The following PLPP4 variants were observed in gnomAD, a reference collection of about 807,000 sequenced individuals.
PLPP4 encodes the protein diacylglycerol pyrophosphate like 2.
Under a neutral mutation model 32.2 loss-of-function variants are expected in PLPP4, and 20 were observed. The ratio of observed to expected loss-of-function variants is 0.62; its 90% CI spans 0.44 to 0.90. The LOEUF (loss-of-function observed/expected upper bound fraction) is 0.90. Ranked by LOEUF, PLPP4 falls within the 40% of genes least tolerant of loss-of-function variation. PLPP4 has a pLI of 0.00. For synonymous variants in PLPP4, 127 were observed against 133.0 expected, an observed-to-expected ratio of 0.95 and a Z score of 0.31; for missense variants, 257 against 353.1, an observed-to-expected ratio of 0.73 and a Z score of 2.18.
chr10:120,519,581 T>C lies in PLPP4; in HGVS notation c.320+685T>C, dbSNP rs145086104. Among the ~76,000 whole-genome samples, 165 of 152,106 alleles carry C rather than the reference T, an allele frequency of 1.1e-3. 1 individual carries two copies. The highest frequency in any genetic ancestry group is 3.9e-3 in the African/African-American group (162 of 41,464). On this transcript the variant is annotated intron_variant, in intron 4 of 6. Coordinates refer to ENST00000398250, the MANE Select transcript of PLPP4 (RefSeq NM_001030059.3). ...TGTTGCTGCTGTGTTCCCTTAACTT[T>C]GTGTGCCCTGACCAGTGCTTACTCT...
At chr10:120,492,969 C>G (rs1844788070) in intron 1 of PLPP4, among the ~76,000 whole-genome samples, 1 of 152,138 alleles carries the variant, frequency 6.6e-6, no homozygotes, top group Non-Finnish European at 1.5e-5. Flanking sequence ...GGTTCCTAAA[C>G]CCCCCTAAAT....
At chr10:120,563,970 A>G (rs1848569683) in intron 5 of PLPP4, among the ~76,000 whole-genome samples, 2 of 151,336 alleles carry the variant, frequency 1.3e-5, no homozygotes, top group Admixed American at 6.6e-5. Flanking sequence ...TCTTTACTGT[A>G]TGTTTGTTTT....
chr10:120,489,295 C>T (rs1157585052), intron 1 of PLPP4, among the ~76,000 whole-genome samples: 4 of 152,158 alleles, frequency 2.6e-5, no homozygotes, highest in Non-Finnish European at 5.9e-5. Flanking sequence ...TGCTGTGGAC[C>T]AGTTCGTCTT....
chr10:120,546,241 A>G (rs970813955), intron 5 of PLPP4, among the ~76,000 whole-genome samples: 3 of 152,088 alleles, frequency 2.0e-5, no homozygotes, highest in Non-Finnish European at 4.4e-5. Flanking sequence ...CGTCTATCCT[A>G]TTAGTCCTGT....
chr10:120,502,144 G>C (rs909151678), intron 1 of PLPP4, among the ~76,000 whole-genome samples: 1 of 152,214 alleles, frequency 6.6e-6, no homozygotes, highest in Admixed American at 6.5e-5. Flanking sequence ...GTGAAGGGTT[G>C]ACTGGGTTCT....
intron 1 of PLPP4, among the ~76,000 whole-genome samples, chr10:120,494,819 A>G (rs1036220796): frequency 1.3e-5 from 2 of 152,162 alleles, no homozygotes; most frequent in Non-Finnish European, 2.9e-5. Flanking sequence ...CTTTCCAACA[A>G]ACATCAAACT....
chr10:120,529,478 T>A (rs1185379359), intron 5 of PLPP4, among the ~76,000 whole-genome samples: 7 of 152,164 alleles, frequency 4.6e-5, no homozygotes, highest in Non-Finnish European at 8.8e-5. Flanking sequence ...TTCAAAATAC[T>A]CTTTCTCAAA....
rs779697964 is a variant in PLPP4 at position 120,493,376 on chromosome 10, C to T, written c.57-10442C>T. Among the ~76,000 whole-genome samples the T allele has an allele frequency of 1.2e-4, 18 of 152,148 alleles. 1 individual carries two copies. Among genetic ancestry groups the T allele is most frequent in the South Asian group, 2.1e-4 (1 of 4,824 alleles). Reference sequence around the variant, plus strand: ...AGAATGCTCAGTGGGATGCCATGGCCGTCCTGTCTCCTTGTGTTGAGGGCA... The same window carrying T: ...AGAATGCTCAGTGGGATGCCATGGCTGTCCTGTCTCCTTGTGTTGAGGGCA... On this transcript the variant is annotated intron_variant, in intron 1 of 6. Coordinates refer to ENST00000398250, the MANE Select transcript of PLPP4 (RefSeq NM_001030059.3).
intron 1 of PLPP4, among the ~76,000 whole-genome samples, chr10:120,499,699 C>A (rs563762112): frequency 1.3e-5 from 2 of 152,232 alleles, no homozygotes; most frequent in South Asian, 4.2e-4. Context: ...TTTTCTGAAC[C>A]TGCTGTCTCT....
intron 6 of PLPP4, among the ~76,000 whole-genome samples, chr10:120,581,703 G>A (rs1256996763): frequency 1.3e-5 from 2 of 151,152 alleles, no homozygotes; most frequent in Admixed American, 6.6e-5. Flanking sequence ...AGATGTGGGC[G>A]TGGCTTGTTC....
chr10:120,589,449 G>T lies in PLPP4; in HGVS notation c.763G>T (p.Ala255Ser), dbSNP rs1849917397. ...ASLKKEERPT[A>S]DSAPSLPLEG... is the part of the protein sequence containing the mutation. ...ACTGAAGAAAGAGGAGAGGCCCACA[G>T]CTGACAGCGCACCCAGCTTGCCTCT... The change falls in exon 7 of 7, where the codon GCT becomes TCT. Residue 255 changes from alanine (A) to serine (S), a missense_variant. Coordinates refer to ENST00000398250, the MANE Select transcript of PLPP4 (RefSeq NM_001030059.3). The T allele has an allele frequency of 6.2e-7, 1 of 1,613,982 alleles. No homozygotes were observed. Among genetic ancestry groups the T allele is most frequent in the African/African-American group, 1.3e-5 (1 of 74,922 alleles).
At chr10:120,500,065 T>C (rs1845168794) in intron 1 of PLPP4, among the ~76,000 whole-genome samples, 1 of 152,192 alleles carries the variant, frequency 6.6e-6, no homozygotes. Flanking sequence ...GGAGCATGGC[T>C]GGAGAAGGGA....
chr10:120,559,370 G>A (rs189969340), intron 5 of PLPP4, among the ~76,000 whole-genome samples: 12 of 150,180 alleles, frequency 8.0e-5, no homozygotes, highest in Admixed American at 4.6e-4. Flanking sequence ...TTTTTCTTTC[G>A]TGGATTTATT....
chr10:120,578,593 A>ACT (rs1181510178), intron 6 of PLPP4, among the ~76,000 whole-genome samples: 2 of 151,182 alleles, frequency 1.3e-5, no homozygotes, highest in South Asian at 2.1e-4. Context: ...ATCTCTAATG[A>ACT]CTCTCTCTCT....
chr10:120,554,622 G>A (rs1389452971), intron 5 of PLPP4, among the ~76,000 whole-genome samples: 1 of 152,138 alleles, frequency 6.6e-6, no homozygotes, highest in African/African-American at 2.4e-5. Context: ...ATAAAGAAAA[G>A]AGATCTAATT....
chr10:120,519,584 GTGCCC>G (rs1846069307), intron 4 of PLPP4, among the ~76,000 whole-genome samples: 1 of 152,036 alleles, frequency 6.6e-6, no homozygotes, highest in Non-Finnish European at 1.5e-5. Flanking sequence ...TTAACTTTGT[GTGCCC>G]TGACCAGTGC....
chr10:120,553,149 G>A (rs965773670), intron 5 of PLPP4, among the ~76,000 whole-genome samples: 16 of 152,106 alleles, frequency 1.1e-4, no homozygotes, highest in African/African-American at 3.6e-4. Context: ...AATCCTGGTG[G>A]GAGCCTCTTA....
chr10:120,498,753 TG>T (rs1845091801), intron 1 of PLPP4, among the ~76,000 whole-genome samples: 1 of 151,654 alleles, frequency 6.6e-6, no homozygotes, highest in Non-Finnish European at 1.5e-5. Context: ...CTCCACCTCC[TG>T]GGTTCAAGCA....
chr10:120,550,723 C>A (rs1347452138), intron 5 of PLPP4, among the ~76,000 whole-genome samples: 1 of 151,572 alleles, frequency 6.6e-6, no homozygotes, highest in Admixed American at 6.6e-5. Flanking sequence ...TAAGCTTGAC[C>A]CCTACCTCAT....
Sources: gnomAD v4.1 joint callset for allele counts (sites outside exome capture counted in the v4.1 genomes callset) on GRCh38, gnomAD v4.1.1 for gene constraint, MANE v1.5 for transcripts, NCBI Gene and HGNC (gene_info 2026-07-23, HGNC 2026-07-21) for gene names.